The following ZYG11B variants were observed in gnomAD, a reference collection of about 807,000 sequenced individuals.
ZYG11B encodes the protein protein zyg-11 homolog B.
Under a neutral mutation model 82.4 loss-of-function variants are expected in ZYG11B, and 36 were observed. The observed-to-expected ratio is 0.44, with a 90% confidence interval of 0.33 to 0.58. The LOEUF is 0.58. Ranked by LOEUF, ZYG11B falls within the 20% of genes least tolerant of loss-of-function variation. The pLI, the probability that ZYG11B is intolerant of heterozygous loss-of-function variation, is 0.02. For missense variants in ZYG11B, 552 were observed against 895.6 expected (o/e 0.62, Z 4.90); for synonymous variants, 303 against 312.8 (o/e 0.97, Z 0.33).
At chr1:52,754,595 T>C (rs999657824) in intron 1 of ZYG11B, 4 of 152,218 alleles carry the variant, frequency 2.6e-5, no homozygotes, top group African/African-American at 9.6e-5. Context: ...TTCCTCAGAC[T>C]GGTCTCAAAC....
At chr1:52,782,540 C>T (rs1644865489) in intron 4 of ZYG11B, among the ~76,000 whole-genome samples, 1 of 151,938 alleles carries the variant, frequency 6.6e-6, no homozygotes. Flanking sequence ...AGGTGTGTGC[C>T]ATCACACCTG....
chr1:52,787,843 A>G (rs905543553), intron 5 of ZYG11B, among the ~76,000 whole-genome samples: 1 of 152,192 alleles, frequency 6.6e-6, no homozygotes, highest in African/African-American at 2.4e-5. Flanking sequence ...TGGAAATGCA[A>G]ATACTGTAAA....
intron 8 of ZYG11B, among the ~76,000 whole-genome samples, chr1:52,797,518 T>TA (rs1247708033): frequency 5.4e-4 from 44 of 81,858 alleles, no homozygotes; most frequent in South Asian, 1.4e-3. Flanking sequence ...TATATATATA[T>TA]TTTTTTTTAG....
intron 2 of ZYG11B, among the ~76,000 whole-genome samples, chr1:52,757,653 C>G (rs1219410774): frequency 6.6e-6 from 1 of 151,888 alleles, no homozygotes; most frequent in East Asian, 1.9e-4. Context: ...CCAGCCTGGG[C>G]GACAGAGCAA....
intron 1 of ZYG11B, chr1:52,754,190 A>G (rs1045776809): frequency 1.4e-5 from 2 of 145,978 alleles, no homozygotes; most frequent in African/African-American, 5.1e-5. Flanking sequence ...CACACCAGCT[A>G]ATTTTTGTAT....
chr1:52,777,437 A>G (rs1644819442), intron 3 of ZYG11B, among the ~76,000 whole-genome samples: 1 of 151,966 alleles, frequency 6.6e-6, no homozygotes, highest in African/African-American at 2.4e-5. Context: ...TTCCAATCTG[A>G]ACGTTTATAG....
rs1236193897 is a variant in ZYG11B at position 52,726,543 on chromosome 1, TG to T, written c.-108del. ...AGCTTGAGGGAAAGAGGCCGAGGCCTGGGCCAAGCCCGGAGCCGCCGCTCGC... is the reference window on the plus strand; with the variant it reads ...AGCTTGAGGGAAAGAGGCCGAGGCCTGGCCAAGCCCGGAGCCGCCGCTCGC... On this transcript the variant is annotated 5_prime_UTR_variant, in exon 1 of 14. Transcript: ENST00000294353. 9 of 1,108,554 alleles carry T rather than the reference TG, an allele frequency of 8.1e-6. No individual in the cohort carries two copies. Among genetic ancestry groups the T allele is most frequent in the Non-Finnish European group, 5.9e-6 (5 of 851,854 alleles). 68.7% of individuals were successfully genotyped at this position (1,108,554 alleles called of 1,614,324 possible).
intron 1 of ZYG11B, among the ~76,000 whole-genome samples, chr1:52,744,596 A>G (rs919002225): frequency 1.3e-5 from 2 of 152,242 alleles, no homozygotes; most frequent in Non-Finnish European, 2.9e-5. Flanking sequence ...TAATCCCAGC[A>G]CTTTGGGAGG....
chr1:52,780,134 A>C, intron 4 of ZYG11B, 141 bp downstream of exon 4: 1 of 796,142 alleles, frequency 1.3e-6, no homozygotes, highest in East Asian at 2.7e-5. Flanking sequence ...TTCAATCATT[A>C]GCTATAAACG....
At chr1:52,784,240 C>T (rs183626686) in intron 4 of ZYG11B, among the ~76,000 whole-genome samples, 36 of 152,272 alleles carry the variant, frequency 2.4e-4, no homozygotes, top group Non-Finnish European at 1.5e-5. Flanking sequence ...GATCCACCTG[C>T]CTTGGCCTCC....
chr1:52,773,632 T>TTA (rs1644777234), intron 3 of ZYG11B, among the ~76,000 whole-genome samples: 1 of 44,660 alleles, frequency 2.2e-5, no homozygotes, highest in Non-Finnish European at 3.9e-5. Flanking sequence ...TATATATTTT[T>TTA]TTTTTTTTTT....
intron 2 of ZYG11B, among the ~76,000 whole-genome samples, chr1:52,766,780 G>T (rs574964673): frequency 6.6e-6 from 1 of 152,052 alleles, no homozygotes; most frequent in African/African-American, 2.4e-5. Context: ...AGGCCGAGGC[G>T]GGCGGATCAC....
chr1:52,767,129 TTTG>T (rs1172220857), intron 2 of ZYG11B, among the ~76,000 whole-genome samples: 5 of 151,128 alleles, frequency 3.3e-5, no homozygotes, highest in African/African-American at 9.7e-5. Flanking sequence ...TTTATTTTAT[TTTG>T]TTATTTTATG....
Position 52,726,647 on chromosome 1 carries a change from A to C in ZYG11B, c.-7A>C, listed in dbSNP as rs1344911741. 4.1e-6 allele frequency: 6 copies of C among 1,467,590 alleles called. No individual in the cohort carries two copies. Among genetic ancestry groups the C allele is most frequent in the Admixed American group, 2.4e-5 (1 of 41,094 alleles). 90.9% of individuals were successfully genotyped at this position (1,467,590 alleles called of 1,614,324 possible). On this transcript the variant is annotated 5_prime_UTR_variant, in exon 1 of 14. Transcript: ENST00000294353. Reference sequence around the variant, plus strand: ...CGGCCCGCCGCCGCACCCAGGACGGAGGCTGCATGCCCGAGGACCAGGCCG... The same window carrying C: ...CGGCCCGCCGCCGCACCCAGGACGGCGGCTGCATGCCCGAGGACCAGGCCG...
At chr1:52,796,233 C>T (rs888776085) in intron 6 of ZYG11B, 59 bp from the exon 7 acceptor site, 2 of 1,333,784 alleles carry the variant, frequency 1.5e-6, no homozygotes, top group African/African-American at 2.9e-5. Flanking sequence ...CTAGCTGGAA[C>T]TCTGAAATTG....
Position 52,796,773 on chromosome 1 carries a change from T to A in ZYG11B, c.1474T>A (p.Phe492Ile). The A allele has an allele frequency of 6.4e-7, 1 of 1,565,814 alleles. No individual in the cohort carries two copies. Among genetic ancestry groups the A allele is most frequent in the South Asian group, 1.2e-5 (1 of 84,632 alleles). The change falls in exon 8 of 14, where the codon TTC (phenylalanine) becomes ATC (isoleucine). Residue 492 changes from phenylalanine (F) to isoleucine (I), a missense_variant. This residue lies in a region of ZYG11B where 66 missense variants were observed against 176.4 expected (regional missense o/e 0.37). Coordinates refer to ENST00000294353, the MANE Select transcript of ZYG11B (RefSeq NM_024646.3). ...AACTGCACAGCTTGGTACTGAGCTC[T>A]TCATTGTCAGGGTAAGTCTATAATC... ...EQTAQLGTEL[F>I]IVRQLLQIVK...
intron 6 of ZYG11B, among the ~76,000 whole-genome samples, chr1:52,795,821 C>G (rs1338779846): frequency 6.6e-6 from 1 of 152,086 alleles, no homozygotes; most frequent in East Asian, 1.9e-4. Flanking sequence ...AATGTAAGCT[C>G]TATGAAAGTA....
intron 13 of ZYG11B, among the ~76,000 whole-genome samples, chr1:52,818,794 G>GTT (rs771697972): frequency 5.0e-4 from 68 of 136,948 alleles, no homozygotes; most frequent in African/African-American, 1.3e-3. Context: ...TTTCGCTTGG[G>GTT]TTTTTTTTTT....
At chr1:52,797,297 TATA>T (rs1366795678) in intron 8 of ZYG11B, among the ~76,000 whole-genome samples, 8 of 87,012 alleles carry the variant, frequency 9.2e-5, no homozygotes, top group Non-Finnish European at 1.3e-4. Flanking sequence ...ATATATAAAA[TATA>T]ATATAAATAT....
Sources: allele counts gnomAD v4.1 joint callset (sites outside exome capture counted in the v4.1 genomes callset), GRCh38; gene constraint gnomAD v4.1.1; regional missense constraint gnomAD v4.1.1; transcripts MANE v1.5; gene names NCBI Gene and HGNC (gene_info 2026-07-23, HGNC 2026-07-21).